TANC2: variants seen among roughly 807,000 people sequenced by gnomAD.
The protein encoded by TANC2 is protein TANC2.
In TANC2, 26 loss-of-function variants were observed where a neutral mutation model predicts 210.5. The observed-to-expected ratio is 0.12, with a 90% CI of 0.09 to 0.17. The LOEUF (loss-of-function observed/expected upper bound fraction) is 0.17. Among genes scored for constraint, TANC2 ranks in the 10% least tolerant of loss-of-function variants. TANC2 has a pLI of 1.00. For synonymous variants in TANC2, 931 were observed against 967.1 expected, an observed-to-expected ratio of 0.96 and a Z score of 0.69; for missense variants, 2,129 against 2,608.9, an observed-to-expected ratio of 0.82 and a Z score of 4.01.
chr17:63,025,817 T>TA (rs1241266600), intron 2 of TANC2, among the ~76,000 whole-genome samples: 2,177 of 122,798 alleles, frequency 0.018, 30 homozygotes, highest in Non-Finnish European at 0.026. Context: ...AAAATAAAAT[T>TA]AAATTAAAAT....
chr17:63,214,809 A>G (rs1027117664), intron 7 of TANC2, among the ~76,000 whole-genome samples: 1 of 152,220 alleles, frequency 6.6e-6, no homozygotes, highest in Non-Finnish European at 1.5e-5. Flanking sequence ...AACCCAGTAC[A>G]GTCCAACCCT....
At chr17:63,280,045 A>G (rs2044013226) in intron 9 of TANC2, among the ~76,000 whole-genome samples, 3 of 152,088 alleles carry the variant, frequency 2.0e-5, no homozygotes, top group Admixed American at 1.3e-4. Flanking sequence ...CTCAATTCTC[A>G]TATGTTTAAA....
intron 21 of TANC2, 54 bp from the exon 22 acceptor site, chr17:63,411,456 TC>T: frequency 6.5e-7 from 1 of 1,532,830 alleles, no homozygotes. Flanking sequence ...GTACTTCCCC[TC>T]CTGCTGTGTG....
In TANC2 at chr17:63,412,059, C is replaced by T; in HGVS notation, c.3827C>T (p.Pro1276Leu). ...CACGTTGACTACAGTGGAATGCGCC[C>T]TTTGGATAGGGCAGTGGGGTGCCGG... Residue 1276 changes from proline (P) to leucine (L), a missense_variant, in exon 23 of 28, where the codon CCT becomes CTT. This residue lies in a region of TANC2 where 644 missense variants were observed against 937.5 expected (regional missense o/e 0.69). Coordinates refer to ENST00000689528, the Ensembl canonical transcript of TANC2. This position sits in a 1 kb window ranked among gnomAD's most constrained non-coding sequence, Gnocchi z 4.2. 1.2e-6 allele frequency: 2 copies of T among 1,613,868 alleles called. No homozygotes were observed. Among genetic ancestry groups the T allele is most frequent in the Non-Finnish European group, 1.7e-6 (2 of 1,179,854 alleles).
At chr17:63,047,730 TC>T (rs1327778165) in intron 2 of TANC2, among the ~76,000 whole-genome samples, 6 of 152,126 alleles carry the variant, frequency 3.9e-5, no homozygotes, top group African/African-American at 1.4e-4. Flanking sequence ...AAGAAAAATA[TC>T]TTTTCTTCAT....
rs189128608 is a variant in TANC2, at chr17:63,017,347, T to C, written c.67+7721T>C. 2.1e-3 allele frequency among the ~76,000 whole-genome samples: 320 copies of C among 152,360 alleles called. 1 individual carries two copies. The highest frequency in any genetic ancestry group is 6.8e-3 in the Middle Eastern group (2 of 294). On this transcript the variant is annotated intron_variant, in intron 2 of 27. Transcript: ENST00000689528. ...TAGATATTTTCTAAATTAAATTTTT[T>C]ATTTTTTACTAAAATGATACAAATG...
intron 5 of TANC2, among the ~76,000 whole-genome samples, chr17:63,178,791 G>A (rs1481510413): frequency 6.6e-6 from 1 of 152,212 alleles, no homozygotes; most frequent in Non-Finnish European, 1.5e-5. Flanking sequence ...AATTAAGAGA[G>A]TCTGGGGAAC....
chr17:62,986,120 G>A (rs757521123), intron 1 of TANC2, among the ~76,000 whole-genome samples: 44 of 152,224 alleles, frequency 2.9e-4, no homozygotes, highest in Non-Finnish European at 1.3e-4. Context: ...TTCTTCAGCT[G>A]TAACTCATGC....
chr17:63,335,809 G>T (rs1418150707), intron 11 of TANC2, among the ~76,000 whole-genome samples: 1 of 152,048 alleles, frequency 6.6e-6, no homozygotes, highest in African/African-American at 2.4e-5. Flanking sequence ...TTAATTTCCT[G>T]GTTTTGATAA....
At chr17:63,334,945 C>T (rs924656639) in intron 11 of TANC2, among the ~76,000 whole-genome samples, 4 of 152,152 alleles carry the variant, frequency 2.6e-5, no homozygotes, top group Non-Finnish European at 5.9e-5. Flanking sequence ...ATGGCCAGAG[C>T]AGAGCAGGAG....
chr17:63,198,345 C>T (rs2041414860), intron 6 of TANC2, among the ~76,000 whole-genome samples: 1 of 152,030 alleles, frequency 6.6e-6, no homozygotes, highest in African/African-American at 2.4e-5. Context: ...GAGGCATGCA[C>T]CACCACACCC....
intron 10 of TANC2, among the ~76,000 whole-genome samples, chr17:63,317,647 A>G (rs970457150): frequency 6.6e-6 from 1 of 152,240 alleles, no homozygotes; most frequent in African/African-American, 2.4e-5. Flanking sequence ...ACAGCTGCCA[A>G]GCCCCCAAAC....
intron 8 of TANC2, among the ~76,000 whole-genome samples, chr17:63,263,666 C>T (rs1168283540): frequency 6.6e-6 from 1 of 152,172 alleles, no homozygotes; most frequent in Non-Finnish European, 1.5e-5. Context: ...TTTCCTCTGC[C>T]TTTGTAGATG....
intron 4 of TANC2, among the ~76,000 whole-genome samples, chr17:63,123,340 A>G (rs1380160216): frequency 6.6e-6 from 1 of 151,846 alleles, no homozygotes; most frequent in Non-Finnish European, 1.5e-5. Context: ...GGCGGATCAC[A>G]AGGTCAGGAG....
intron 5 of TANC2, among the ~76,000 whole-genome samples, chr17:63,163,494 A>C (rs886536412): frequency 6.6e-6 from 1 of 152,228 alleles, no homozygotes; most frequent in African/African-American, 2.4e-5. Flanking sequence ...AAGGAAGGAC[A>C]GTTATTGGTA....
Position 63,418,530 on chromosome 17 carries a change from C to T in TANC2, c.4268+123C>T. 5 of 849,944 alleles carry T rather than the reference C, an allele frequency of 5.9e-6. No individual in the cohort carries two copies. Among genetic ancestry groups the T allele is most frequent in the Non-Finnish European group, 9.0e-6 (5 of 553,446 alleles). The allele number at this position is 849,944 out of a possible 1,614,324, so 52.7% of individuals were successfully genotyped here. A position where few individuals can be genotyped will look rare whatever the true frequency, so the allele number is the denominator to read the frequency against. On this transcript the variant is annotated intron_variant, in intron 27 of 27. Coordinates refer to ENST00000689528, the Ensembl canonical transcript of TANC2. This position sits in a 1 kb window ranked among gnomAD's most constrained non-coding sequence, Gnocchi z 4.6. ...TCTCTGTCCTTGAGAACTGTCAGGG[C>T]CAAGCTTTGGGGATGGCTCCCATAG...
At chr17:63,017,123 G>T (rs181290899) in intron 2 of TANC2, among the ~76,000 whole-genome samples, 2 of 152,112 alleles carry the variant, frequency 1.3e-5, no homozygotes, top group South Asian at 2.1e-4. Context: ...TGAAGGAAGG[G>T]TCCAAATTCA....
intron 2 of TANC2, among the ~76,000 whole-genome samples, chr17:63,052,133 A>T (rs2035604893): frequency 6.6e-6 from 1 of 152,186 alleles, no homozygotes; most frequent in African/African-American, 2.4e-5. Context: ...CTTGTTGTTG[A>T]TCATGAATAT....
At chr17:63,364,968 G>A (rs1285846171) in intron 14 of TANC2, among the ~76,000 whole-genome samples, 1 of 152,152 alleles carries the variant, frequency 6.6e-6, no homozygotes, top group Non-Finnish European at 1.5e-5. Flanking sequence ...AAATGAGGTG[G>A]AAGTAGGGCA....
Sources: gnomAD v4.1 joint callset for allele counts (sites outside exome capture counted in the v4.1 genomes callset) on GRCh38, gnomAD v4.1.1 for gene constraint, gnomAD v4.1.1 regional missense constraint, Gnocchi (gnomAD v3.1) non-coding constraint, MANE v1.5 for transcripts, NCBI Gene and HGNC (gene_info 2026-07-23, HGNC 2026-07-21) for gene names.